RYR2: variants seen among roughly 807,000 people sequenced by gnomAD.
RYR2 encodes cardiac muscle ryanodine receptor-calcium release channel.
RYR2 carries 227 observed loss-of-function variants against 601.1 expected under a neutral mutation model. The observed-to-expected ratio is 0.38, with a 90% confidence interval of 0.34 to 0.42. RYR2 has a LOEUF of 0.42. Among genes scored for constraint, RYR2 ranks in the 10% least tolerant of loss-of-function variants. RYR2 has a pLI of 1.00. For synonymous variants in RYR2, 2,223 were observed against 2,175.1 expected, an observed-to-expected ratio of 1.02 and a Z score of -0.61; for missense variants, 4,646 against 6,156.5, an observed-to-expected ratio of 0.75 and a Z score of 8.21.
chr1:237,639,386 C>G (rs1365709644), intron 46 of RYR2, among the ~76,000 whole-genome samples, 185 bp downstream of exon 46: 1 of 152,078 alleles, frequency 6.6e-6, no homozygotes, highest in East Asian at 1.9e-4. Flanking sequence ...GTCGAATGAA[C>G]AAAGAGAGCT....
intron 3 of RYR2, among the ~76,000 whole-genome samples, chr1:237,339,663 A>C (rs1572653692): frequency 6.6e-6 from 1 of 152,294 alleles, no homozygotes; most frequent in South Asian, 2.1e-4. Flanking sequence ...GAGAAGATTC[A>C]GATTTAGTTG....
chr1:237,229,523 T>G (rs963750610), intron 1 of RYR2, among the ~76,000 whole-genome samples: 1 of 151,762 alleles, frequency 6.6e-6, no homozygotes, highest in Non-Finnish European at 1.5e-5. Flanking sequence ...TTCCTGTTGG[T>G]ACATTGAATT....
At chr1:237,103,638 G>A (rs756301295) in intron 1 of RYR2, among the ~76,000 whole-genome samples, 24 of 152,132 alleles carry the variant, frequency 1.6e-4, no homozygotes, top group African/African-American at 4.3e-4. Flanking sequence ...CCATGATCTC[G>A]GCTCACTGCA....
chr1:237,349,345 GA>G (rs1698564182), intron 3 of RYR2, among the ~76,000 whole-genome samples: 1 of 152,092 alleles, frequency 6.6e-6, no homozygotes, highest in Non-Finnish European at 1.5e-5. Flanking sequence ...ATTATAGCCA[GA>G]TAAAAGTATA....
intron 41 of RYR2, among the ~76,000 whole-genome samples, chr1:237,629,076 T>C (rs1215408883): frequency 6.6e-6 from 1 of 152,162 alleles, no homozygotes; most frequent in Admixed American, 6.5e-5. Context: ...TGTTAATATA[T>C]ACATTAGGGA....
intron 27 of RYR2, among the ~76,000 whole-genome samples, chr1:237,552,999 C>T (rs1670555748): frequency 6.6e-6 from 1 of 151,912 alleles, no homozygotes; most frequent in African/African-American, 2.4e-5. Flanking sequence ...ATAGAAGAAC[C>T]ATGTCAGGTA....
intron 36 of RYR2, among the ~76,000 whole-genome samples, chr1:237,612,559 A>G (rs999989717): frequency 1.3e-5 from 2 of 152,092 alleles, no homozygotes; most frequent in Non-Finnish European, 2.9e-5. Flanking sequence ...ATCTTTCATA[A>G]TGTACTCTTG....
At chr1:237,252,355 C>A (rs970763927) in intron 1 of RYR2, among the ~76,000 whole-genome samples, 1 of 152,088 alleles carries the variant, frequency 6.6e-6, no homozygotes, top group Admixed American at 6.6e-5. Context: ...TCCACAGGCT[C>A]ACTCCCAGCT....
rs71561856 is a variant in RYR2 at position 237,082,524 on chromosome 1, C to CATATATATATATATATAT, written c.48+39971_48+39988dup. 8.6e-3 allele frequency among the ~76,000 whole-genome samples: 687 copies of CATATATATATATATATAT among 79,842 alleles called. 23 individuals are homozygous for CATATATATATATATATAT. The highest frequency in any genetic ancestry group is 0.02 in the Middle Eastern group (2 of 102). 52.4% of individuals were successfully genotyped at this position (79,842 alleles called of 152,430 possible). The stretch of plus-strand genomic sequence containing the variant: ...TGTTATATTCTTTCAAATAGGAAAA[C>CATATATATATATATATAT]ATATATATATATATATATATATATA... On this transcript the variant is annotated intron_variant, in intron 1 of 104. Transcript: ENST00000366574.
chr1:237,565,482 C>A (rs983640499), intron 27 of RYR2, among the ~76,000 whole-genome samples: 7 of 151,906 alleles, frequency 4.6e-5, no homozygotes, highest in Middle Eastern at 3.2e-3. Context: ...TGCCCGGGCG[C>A]GATCCTCCCG....
At chr1:237,829,211 G>A (rs1381589138) in intron 102 of RYR2, among the ~76,000 whole-genome samples, 1 of 152,196 alleles carries the variant, frequency 6.6e-6, no homozygotes, top group Admixed American at 6.5e-5. Context: ...AGAGCAGCCA[G>A]ATGATCAGAT....
intron 8 of RYR2, among the ~76,000 whole-genome samples, chr1:237,381,564 C>T (rs1034498395): frequency 3.9e-5 from 6 of 152,138 alleles, no homozygotes; most frequent in Non-Finnish European, 8.8e-5. Flanking sequence ...TCACTAACAG[C>T]GATGGTTAAG....
At chr1:237,631,720 C>T (rs1455921012) in intron 42 of RYR2, among the ~76,000 whole-genome samples, 179 bp downstream of exon 42, 1 of 149,080 alleles carries the variant, frequency 6.7e-6, no homozygotes, top group African/African-American at 2.5e-5. Context: ...CTCCGCCTCC[C>T]GGGTTCACGC....
chr1:237,725,527 G>A (rs538339377), intron 74 of RYR2, among the ~76,000 whole-genome samples: 2 of 152,176 alleles, frequency 1.3e-5, no homozygotes, highest in South Asian at 4.1e-4. Flanking sequence ...TATCTGGTAA[G>A]TTTTCTTATG....
intron 1 of RYR2, among the ~76,000 whole-genome samples, chr1:237,239,278 G>T (rs1685906460): frequency 6.6e-6 from 1 of 152,112 alleles, no homozygotes; most frequent in African/African-American, 2.4e-5. Flanking sequence ...ACACGGACAT[G>T]GAGTGAGGTT....
chr1:237,751,887 TTTGA>T (rs1692564836), intron 80 of RYR2, among the ~76,000 whole-genome samples: 1 of 152,192 alleles, frequency 6.6e-6, no homozygotes, highest in Non-Finnish European at 1.5e-5. Context: ...AAGCCCACAA[TTTGA>T]TTATTATTTG....
chr1:237,333,615 G>C, intron 3 of RYR2: 1 of 456,044 alleles, frequency 2.2e-6, no homozygotes, highest in Non-Finnish European at 4.4e-6. Context: ...ATGTGCACCA[G>C]CTAGATATCA....
At chr1:237,477,235 A>G (rs902702846) in intron 17 of RYR2, among the ~76,000 whole-genome samples, 1 of 152,134 alleles carries the variant, frequency 6.6e-6, no homozygotes, top group Non-Finnish European at 1.5e-5. Context: ...TACTACAAAT[A>G]TAAAAATAAG....
At chr1:237,445,608 C>G in intron 14 of RYR2, 86 bp downstream of exon 14, 1 of 1,511,274 alleles carries the variant, frequency 6.6e-7, no homozygotes, top group African/African-American at 1.4e-5. Context: ...TAAAAGTATG[C>G]TATGATGGTA....
Sources: gnomAD v4.1 joint callset for allele counts (sites outside exome capture counted in the v4.1 genomes callset) on GRCh38, gnomAD v4.1.1 for gene constraint, MANE v1.5 for transcripts, NCBI Gene and HGNC (gene_info 2026-07-23, HGNC 2026-07-21) for gene names.